CALB1: variants seen among roughly 807,000 people sequenced by gnomAD.
CALB1 encodes calbindin.
In CALB1, 16 loss-of-function variants were observed where a neutral mutation model predicts 46.7. The observed-to-expected ratio is 0.34, with a 90% confidence interval of 0.23 to 0.52. The LOEUF is 0.52. CALB1 is among the 20% of genes least tolerant of loss of function. The probability of loss-of-function intolerance (pLI) is 0.95; values close to 1 mark genes in which losing one functional copy is unlikely to be tolerated. For synonymous variants in CALB1, 90 were observed against 112.8 expected, an observed-to-expected ratio of 0.80 and a Z score of 1.28; for missense variants, 224 against 300.3, an observed-to-expected ratio of 0.75 and a Z score of 1.88.
chr8:90,082,749 G>C lies in CALB1; in HGVS notation c.-52C>G. The C allele has an allele frequency of 6.5e-7, 1 of 1,529,732 alleles. No homozygotes were observed. The highest frequency in any genetic ancestry group is 9.1e-7 in the Non-Finnish European group (1 of 1,103,644). 94.8% of individuals were successfully genotyped at this position (1,529,732 alleles called of 1,614,324 possible). ...TGTGAATATGCGTGTGTCTGTGTCC[G>C]CGCGAGGGGGAGTGAGCAAAAGCTC... On this transcript the variant is annotated 5_prime_UTR_variant, in exon 1 of 11. Transcript: ENST00000265431.
intron 9 of CALB1, chr8:90,062,300 GA>G (rs1230666296): frequency 6.6e-6 from 1 of 151,940 alleles, no homozygotes; most frequent in African/African-American, 2.4e-5. Flanking sequence ...TTGTGGATAT[GA>G]AACCATAAGC....
Position 90,078,574 on chromosome 8 carries a change from A to G in CALB1, c.157-127T>C. On this transcript the variant is annotated intron_variant, in intron 2 of 10. Coordinates refer to ENST00000265431, the MANE Select transcript of CALB1 (RefSeq NM_004929.4). ...CATTTAGAAATATGCATAATGATTA[A>G]CTATTCTCAAAAAAATTAAAGGCAT... 1.0e-5 allele frequency: 6 copies of G among 582,688 alleles called. No individual in the cohort carries two copies. In the South Asian group the frequency reaches 1.1e-4, roughly 10 times the overall value. 36.1% of individuals were successfully genotyped at this position (582,688 alleles called of 1,614,324 possible). A position where few individuals can be genotyped will look rare whatever the true frequency, so the allele number is the denominator to read the frequency against.
rs1358158532 is a variant in CALB1, at chr8:90,059,047, C to A, written c.*1126G>T. ...TAAAGAATGTTTTAGAATCTTCTTG[C>A]TAGATAAGATAAATGATTACATTAG... is the stretch of plus-strand genomic sequence containing the variant. On this transcript the variant is annotated 3_prime_UTR_variant, in exon 11 of 11. Transcript: ENST00000265431. 1.3e-5 allele frequency: 2 copies of A among 152,234 alleles called. No homozygotes were observed. The highest frequency in any genetic ancestry group is 4.8e-5 in the African/African-American group (2 of 41,562). The allele number at this position is 152,234 out of a possible 1,614,324, so 9.4% of individuals were successfully genotyped here.
At chr8:90,065,836 T>C in intron 6 of CALB1, 62 bp downstream of exon 6, 3 of 1,038,082 alleles carry the variant, frequency 2.9e-6, no homozygotes, top group South Asian at 1.3e-5. Flanking sequence ...CCTTGGGAGT[T>C]AGCAAGAACA....
chr8:90,069,206 A>C lies in CALB1; in HGVS notation c.263T>G (p.Phe88Cys). 6.2e-7 allele frequency: 1 copy of C among 1,613,978 alleles called. No homozygotes were observed. Among genetic ancestry groups the C allele is most frequent in the Non-Finnish European group, 8.5e-7 (1 of 1,179,912 alleles). Residue 88 changes from phenylalanine to cysteine, a missense_variant, in exon 4 of 11, where the codon TTC becomes TGC. Transcript: ENST00000265431. ...CTGCTGGCATCGGAAGAGCAGCAGG[A>C]AATTCTCTTCTGTGGGTAATACGTG... ...LAHVLPTEEN[F>C]LLLFRCQQLK...
intron 3 of CALB1, among the ~76,000 whole-genome samples, chr8:90,072,152 C>G (rs1814536111): frequency 6.6e-6 from 1 of 151,932 alleles, no homozygotes; most frequent in Non-Finnish European, 1.5e-5. Flanking sequence ...TTTACATCTC[C>G]AAATTCACTG....
intron 2 of CALB1, among the ~76,000 whole-genome samples, chr8:90,078,669 A>G (rs1204124159): frequency 1.3e-5 from 2 of 152,024 alleles, no homozygotes; most frequent in Non-Finnish European, 2.9e-5. Flanking sequence ...AATTAATATG[A>G]TTTATCTTCT....
intron 3 of CALB1, among the ~76,000 whole-genome samples, chr8:90,072,547 TG>T (rs1392300694): frequency 2.0e-5 from 3 of 152,192 alleles, no homozygotes; most frequent in Non-Finnish European, 4.4e-5. Context: ...GTGGCTATAG[TG>T]AATGTAAAGA....
At chr8:90,062,315 G>C (rs1247581256) in intron 9 of CALB1, 3 of 151,844 alleles carry the variant, frequency 2.0e-5, no homozygotes, top group African/African-American at 7.3e-5. Flanking sequence ...CATAAGCAAG[G>C]ACAACACAAG....
At chr8:90,071,697 G>A (rs1373485266) in intron 3 of CALB1, among the ~76,000 whole-genome samples, 1 of 152,134 alleles carries the variant, frequency 6.6e-6, no homozygotes, top group Non-Finnish European at 1.5e-5. Flanking sequence ...ATTGAACAAT[G>A]GAAATGGATG....
At chr8:90,080,291 C>G (rs1356667569) in intron 2 of CALB1, among the ~76,000 whole-genome samples, 3 of 151,674 alleles carry the variant, frequency 2.0e-5, no homozygotes, top group Non-Finnish European at 4.4e-5. Flanking sequence ...CAAAAAGGTA[C>G]AAATATTAAA....
intron 6 of CALB1, among the ~76,000 whole-genome samples, chr8:90,064,921 G>A (rs780054674): frequency 8.6e-5 from 13 of 151,816 alleles, no homozygotes; most frequent in Admixed American, 4.6e-4. Context: ...GATGCTGAAA[G>A]CAAACCTCAG....
At chr8:90,073,243 T>A (rs774486917) in intron 3 of CALB1, among the ~76,000 whole-genome samples, 1 of 151,986 alleles carries the variant, frequency 6.6e-6, no homozygotes, top group Non-Finnish European at 1.5e-5. Flanking sequence ...TGAATAGGGG[T>A]TGGGGTGGAC....
At chr8:90,073,999 G>A (rs540896900) in intron 3 of CALB1, among the ~76,000 whole-genome samples, 1 of 151,982 alleles carries the variant, frequency 6.6e-6, no homozygotes, top group South Asian at 2.1e-4. Context: ...TCTTGAACAT[G>A]TATTAGCCAA....
intron 1 of CALB1, 157 bp from the exon 2 acceptor site, chr8:90,082,259 C>T (rs1039793133): frequency 1.5e-6 from 1 of 647,668 alleles, no homozygotes; most frequent in Non-Finnish European, 2.7e-6. Context: ...AAGCGCTCCC[C>T]TCCTGGGGTA....
intron 1 of CALB1, 83 bp from the exon 2 acceptor site, chr8:90,082,185 C>A (rs1435455051): frequency 2.4e-6 from 3 of 1,249,744 alleles, no homozygotes; most frequent in South Asian, 1.2e-5. Context: ...AGTTATCTTT[C>A]TGGCGACCCG....
At chr8:90,075,354 T>G (rs1281739184) in intron 3 of CALB1, among the ~76,000 whole-genome samples, 1 of 152,160 alleles carries the variant, frequency 6.6e-6, no homozygotes, top group African/African-American at 2.4e-5. Flanking sequence ...TAGATTTTGA[T>G]GAGTTTGTGA....
At chr8:90,081,101 C>A (rs966608084) in intron 2 of CALB1, among the ~76,000 whole-genome samples, 1 of 152,116 alleles carries the variant, frequency 6.6e-6, no homozygotes, top group African/African-American at 2.4e-5. Context: ...TAAAAGCTGA[C>A]TGTATTTTAT....
chr8:90,079,097 G>C (rs908983878), intron 2 of CALB1, among the ~76,000 whole-genome samples: 1 of 151,850 alleles, frequency 6.6e-6, no homozygotes, highest in African/African-American at 2.4e-5. Context: ...CTCCAACATA[G>C]CCCATTTAAA....
Sources: gnomAD v4.1 joint callset for allele counts (sites outside exome capture counted in the v4.1 genomes callset) on GRCh38, gnomAD v4.1.1 for gene constraint, MANE v1.5 for transcripts, NCBI Gene and HGNC (gene_info 2026-07-23, HGNC 2026-07-21) for gene names.